Variants in IL17REL observed in about 807,000 individuals in gnomAD.
IL17REL encodes interleukin 17 receptor E like, also known as interleukin-17 receptor E-like protein.
IL17REL carries 36 observed loss-of-function variants against 49.0 expected under a neutral mutation model. That is an observed-to-expected ratio of 0.73 (90% CI 0.56 to 0.97). The LOEUF is 0.97. Ranked by LOEUF, IL17REL falls within the 50% of genes least tolerant of loss-of-function variation. The pLI is 0.00. For synonymous variants in IL17REL, 206 were observed against 192.4 expected (o/e 1.07, Z -0.58); for missense variants, 470 against 453.9 (o/e 1.04, Z -0.32).
chr22:50,010,976 C>T (rs1258307161), upstream of IL17REL, among the ~76,000 whole-genome samples: 2 of 151,132 alleles, frequency 1.3e-5, no homozygotes, highest in Non-Finnish European at 3.0e-5. Context: ...CTGCATGCGG[C>T]CCAGCCTCCC....
At chr22:49,996,204 C>T (rs2061033328) in exon 13 of IL17REL, 1 of 152,280 alleles carries the variant, frequency 6.6e-6, no homozygotes, top group Non-Finnish European at 1.5e-5. Context: ...CTCCAGAGGC[C>T]CTGGGTGCCA....
chr22:49,991,948 G>A (rs2061008587), downstream of IL17REL, among the ~76,000 whole-genome samples: 1 of 152,128 alleles, frequency 6.6e-6, no homozygotes, highest in Non-Finnish European at 1.5e-5. Context: ...TGAGACATCA[G>A]TCAATATATG....
chr22:50,006,534 A>T (rs927708539), intron 1 of IL17REL, among the ~76,000 whole-genome samples: 1 of 152,164 alleles, frequency 6.6e-6, no homozygotes, highest in African/African-American at 2.4e-5. Flanking sequence ...AAGCAGGCGA[A>T]AAAACAGGCT....
exon 13 of IL17REL, chr22:49,995,023 C>T (rs1028507987): frequency 6.6e-6 from 1 of 152,408 alleles, no homozygotes; most frequent in African/African-American, 2.4e-5. Context: ...AAGCTGAGAC[C>T]CTCTGGAGGG....
chr22:49,992,650 T>G (rs1476787036), downstream of IL17REL, among the ~76,000 whole-genome samples: 4 of 152,020 alleles, frequency 2.6e-5, no homozygotes, highest in Admixed American at 2.6e-4. Context: ...TGGTGTCTCA[T>G]TCAGTCACCC....
chr22:50,003,260 GC>G (rs2061088760), intron 1 of IL17REL, among the ~76,000 whole-genome samples: 1 of 152,252 alleles, frequency 6.6e-6, no homozygotes, highest in South Asian at 2.1e-4. Context: ...CGGGGCTCAT[GC>G]CTGTAATCCC....
At chr22:49,996,934 T>C (rs532393836) in intron 12 of IL17REL, 60 bp downstream of exon 14, 7 of 822,904 alleles carry the variant, frequency 8.5e-6, no homozygotes, top group South Asian at 5.6e-5. Flanking sequence ...AGGGGGGGTG[T>C]GAACTGAGGT....
At position 50,000,648 on chromosome 22, in the gene IL17REL, G is replaced by T; in HGVS notation, c.220-56C>A. On this transcript the variant is annotated intron_variant, in intron 3 of 12. Transcript: ENST00000341280. ...CTCAGAGGCACTGCCCACCCCACCC[G>T]GCCAGCTCCACTTGCATGGCTGGAG... is the stretch of plus-strand genomic sequence containing the variant. The T allele has an allele frequency of 1.9e-6, 3 of 1,558,248 alleles. No homozygotes were observed. The African/African-American group carries it at 4.1e-5, about 21-fold the overall frequency.
rs571061713 is a variant in IL17REL at position 49,997,234 on chromosome 22, G to A, written c.974+86C>T. 1.6e-5 allele frequency: 23 copies of A among 1,475,674 alleles called. No individual in the cohort carries two copies. The Admixed American group carries it at 3.4e-4, about 22-fold the overall frequency. The allele number at this position is 1,475,674 out of a possible 1,614,324, so 91.4% of individuals were successfully genotyped here. ...CCTGGGTGGGCTCAGGGCCCGGGTGGGGCAGAGACCACCACAGGGAAGTGA... is the reference window on the plus strand; with the variant it reads ...CCTGGGTGGGCTCAGGGCCCGGGTGAGGCAGAGACCACCACAGGGAAGTGA... On this transcript the variant is annotated intron_variant, in intron 11 of 12. Transcript: ENST00000341280.
exon 13 of IL17REL, chr22:49,995,692 G>A (rs979052359): frequency 2.0e-5 from 3 of 152,388 alleles, no homozygotes; most frequent in Non-Finnish European, 2.9e-5. Context: ...AGACATGTGA[G>A]GGAAGGGGAG....
intron 4 of IL17REL, 35 bp downstream of exon 5, chr22:50,000,443 C>T (rs767858356): frequency 3.3e-6 from 5 of 1,517,940 alleles, no homozygotes; most frequent in Non-Finnish European, 4.6e-6. Flanking sequence ...GGAGGCTGAA[C>T]GGTAGCTGTG....
intron 1 of IL17REL, among the ~76,000 whole-genome samples, chr22:50,002,041 C>G (rs1440044802): frequency 6.6e-6 from 1 of 152,180 alleles, no homozygotes; most frequent in Admixed American, 6.5e-5. Context: ...AAGGGAGAAG[C>G]AAAAGAACAG....
downstream of IL17REL, among the ~76,000 whole-genome samples, chr22:49,992,587 C>G (rs1478621705): frequency 6.6e-6 from 1 of 152,206 alleles, no homozygotes; most frequent in African/African-American, 2.4e-5. Flanking sequence ...AACACCATGC[C>G]TGGCCCCACC....
At position 50,005,298 on chromosome 22, in the gene IL17REL, C is replaced by G. The variant is rs74637806; in HGVS notation, c.-42+3339G>C. The stretch of plus-strand genomic sequence containing the variant: ...AGCAATAAATATGTTTTGCCTTATT[C>G]AAAATAAGGCATAAAAATAATATCC... On this transcript the variant is annotated intron_variant, in intron 1 of 12. Transcript: ENST00000341280. 6.2e-3 allele frequency among the ~76,000 whole-genome samples: 947 copies of G among 152,154 alleles called. 25 individuals are homozygous for G. In the East Asian group the frequency reaches 0.083, roughly 13 times the overall value.
chr22:49,998,159 G>T, exon 8 of IL17REL: 1 of 1,608,096 alleles, frequency 6.2e-7, no homozygotes, highest in South Asian at 1.1e-5. Context: ...CAGCTGGCTG[G>T]ATTGCTGCAG....
At chr22:50,000,425 C>T in intron 4 of IL17REL, 53 bp downstream of exon 5, 1 of 1,393,970 alleles carries the variant, frequency 7.2e-7, no homozygotes, top group Non-Finnish European at 1.0e-6. Context: ...CACCCCAAGC[C>T]AGGCCCTGGA....
upstream of IL17REL, among the ~76,000 whole-genome samples, chr22:50,010,819 CGG>C (rs201532295): frequency 2.2e-4 from 33 of 149,270 alleles, no homozygotes; most frequent in African/African-American, 5.9e-4. Context: ...GGAGCGGGGG[CGG>C]GGGGGGGCTG....
chr22:49,996,721 A>C, exon 13 of IL17REL: 1 of 376,392 alleles, frequency 2.7e-6, no homozygotes, highest in South Asian at 4.9e-5. Context: ...TCTCCTGTTC[A>C]GTGCACGCCA....
chr22:50,012,666 T>A (rs1228849710), upstream of IL17REL: 1 of 152,196 alleles, frequency 6.6e-6, no homozygotes, highest in East Asian at 1.9e-4. Context: ...CAGTGAGAGC[T>A]CCCACTGGTA....
Sources: gnomAD v4.1 joint callset for allele counts (sites outside exome capture counted in the v4.1 genomes callset) on GRCh38, gnomAD v4.1.1 for gene constraint, MANE v1.5 for transcripts, NCBI Gene and HGNC (gene_info 2026-07-23, HGNC 2026-07-21) for gene names.